ERBB4: variants seen among roughly 807,000 people sequenced by gnomAD.
The protein encoded by ERBB4 is erb-b2 receptor tyrosine kinase 4.
In ERBB4, 42 loss-of-function variants were observed where a neutral mutation model predicts 158.0. The ratio of observed to expected loss-of-function variants is 0.27; its 90% CI spans 0.21 to 0.34. The LOEUF (loss-of-function observed/expected upper bound fraction) is 0.34. Ranked by LOEUF, ERBB4 falls within the 10% of genes least tolerant of loss-of-function variation. The probability of loss-of-function intolerance (pLI) is 1.00; values close to 1 mark genes in which losing one functional copy is unlikely to be tolerated. For missense variants in ERBB4, 1,333 were observed against 1,624.1 expected (o/e 0.82, Z 3.08); for synonymous variants, 583 against 558.7 (o/e 1.04, Z -0.61).
intron 3 of ERBB4, among the ~76,000 whole-genome samples, chr2:211,824,889 G>A (rs1383320392): frequency 6.6e-6 from 1 of 151,846 alleles, no homozygotes; most frequent in African/African-American, 2.4e-5. Context: ...CTGTAATGAA[G>A]AATTTTTAGC....
chr2:211,668,319 G>A (rs921553456), intron 14 of ERBB4, among the ~76,000 whole-genome samples: 4 of 152,170 alleles, frequency 2.6e-5, no homozygotes, highest in African/African-American at 7.2e-5. Context: ...AAATGTCCTG[G>A]CAAATCTCAG....
At chr2:211,464,158 G>A (rs924394613) in intron 20 of ERBB4, among the ~76,000 whole-genome samples, 27 of 152,102 alleles carry the variant, frequency 1.8e-4, no homozygotes, top group African/African-American at 6.3e-4. Flanking sequence ...CATTTATCTT[G>A]TTATTTTGTG....
chr2:212,335,521 C>A (rs1230104937), intron 1 of ERBB4, among the ~76,000 whole-genome samples: 1 of 151,728 alleles, frequency 6.6e-6, no homozygotes, highest in East Asian at 1.9e-4. Flanking sequence ...TATGAAAAAC[C>A]TTGTTAAGTT....
intron 1 of ERBB4, among the ~76,000 whole-genome samples, chr2:212,221,672 G>A (rs936712392): frequency 1.3e-5 from 2 of 151,314 alleles, no homozygotes; most frequent in Admixed American, 1.3e-4. Flanking sequence ...AAATATTCCT[G>A]GGAAAAATAA....
intron 19 of ERBB4, among the ~76,000 whole-genome samples, chr2:211,593,057 T>C (rs1164876174): frequency 6.6e-6 from 1 of 151,826 alleles, no homozygotes; most frequent in Non-Finnish European, 1.5e-5. Context: ...AGGGGCTTGC[T>C]CCATCTTGGC....
chr2:211,977,533 A>T (rs893404884), intron 2 of ERBB4, among the ~76,000 whole-genome samples: 1 of 145,258 alleles, frequency 6.9e-6, no homozygotes, highest in African/African-American at 2.5e-5. Flanking sequence ...ATTGACTTTA[A>T]AAAAAAAAAA....
chr2:212,452,733 C>A (rs1355689610), intron 1 of ERBB4, among the ~76,000 whole-genome samples: 1 of 152,068 alleles, frequency 6.6e-6, no homozygotes, highest in Non-Finnish European at 1.5e-5. Flanking sequence ...ATAGAAAAAA[C>A]TGACTCTAAG....
chr2:212,060,816 G>A (rs1375907749), intron 2 of ERBB4, among the ~76,000 whole-genome samples: 1 of 150,054 alleles, frequency 6.7e-6, no homozygotes, highest in South Asian at 2.1e-4. Context: ...GTCATGGGGT[G>A]GGGAGATGGG....
At chr2:211,388,195 A>G (rs2062727646) in intron 25 of ERBB4, among the ~76,000 whole-genome samples, 1 of 152,230 alleles carries the variant, frequency 6.6e-6, no homozygotes, top group Admixed American at 6.5e-5. Flanking sequence ...AGGAAAATAA[A>G]TATTTTAATT....
intron 5 of ERBB4, among the ~76,000 whole-genome samples, chr2:211,729,233 A>G (rs1243462662): frequency 1.3e-5 from 2 of 151,750 alleles, no homozygotes; most frequent in Admixed American, 1.3e-4. Flanking sequence ...ATTCCTCTAA[A>G]TTATTATCCA....
chr2:211,687,380 T>C (rs1354440203), intron 12 of ERBB4, among the ~76,000 whole-genome samples: 1 of 151,600 alleles, frequency 6.6e-6, no homozygotes, highest in Non-Finnish European at 1.5e-5. Flanking sequence ...TATCACTCAG[T>C]GGAGATGAAA....
intron 2 of ERBB4, among the ~76,000 whole-genome samples, chr2:212,094,376 T>TTAACAAA (rs71054169): frequency 0.68 from 102,251 of 149,320 alleles, 39,351 homozygotes; most frequent in East Asian, 1. Context: ...CAAAATCTAC[T>TTAACAAA]TAACAGTATG....
intron 2 of ERBB4, among the ~76,000 whole-genome samples, chr2:212,108,998 T>C (rs1234864774): frequency 1.3e-5 from 2 of 152,126 alleles, no homozygotes; most frequent in Non-Finnish European, 2.9e-5. Context: ...GAGATACACA[T>C]TCAAGTCCTC....
intron 12 of ERBB4, among the ~76,000 whole-genome samples, chr2:211,681,667 C>T (rs897143036): frequency 2.0e-5 from 3 of 152,054 alleles, no homozygotes; most frequent in Admixed American, 1.3e-4. Flanking sequence ...CTCGTTTGGT[C>T]AAGTGCCACC....
chr2:212,449,389 T>C (rs1230942079), intron 1 of ERBB4, among the ~76,000 whole-genome samples: 2 of 152,112 alleles, frequency 1.3e-5, no homozygotes, highest in East Asian at 1.9e-4. Context: ...TTTTGGTAAT[T>C]TGTGATTTTA....
intron 16 of ERBB4, among the ~76,000 whole-genome samples, chr2:211,632,723 A>T (rs963917625): frequency 6.6e-6 from 1 of 152,088 alleles, no homozygotes; most frequent in Non-Finnish European, 1.5e-5. Context: ...TTGCCATATA[A>T]TTACTATACA....
At chr2:212,073,741 A>C (rs2078195303) in intron 2 of ERBB4, among the ~76,000 whole-genome samples, 1 of 151,990 alleles carries the variant, frequency 6.6e-6, no homozygotes, top group Non-Finnish European at 1.5e-5. Context: ...AATATATGTA[A>C]TTTATCCATC....
chr2:211,678,742 G>A (rs1410659514), intron 13 of ERBB4, among the ~76,000 whole-genome samples: 4 of 151,954 alleles, frequency 2.6e-5, no homozygotes, highest in Non-Finnish European at 4.4e-5. Flanking sequence ...CAAGGCAGGC[G>A]GATCACTAGG....
intron 3 of ERBB4, among the ~76,000 whole-genome samples, chr2:211,887,281 G>C (rs561910688): frequency 2.1e-4 from 28 of 132,816 alleles, no homozygotes; most frequent in Middle Eastern, 4.1e-3. Context: ...CACACACACA[G>C]GTGAGAGAAA....
Sources: gnomAD v4.1 joint callset for allele counts (sites outside exome capture counted in the v4.1 genomes callset) on GRCh38, gnomAD v4.1.1 for gene constraint, MANE v1.5 for transcripts, NCBI Gene and HGNC (gene_info 2026-07-23, HGNC 2026-07-21) for gene names.